PCDH11Y: variants seen among roughly 807,000 people sequenced by gnomAD.
PCDH11Y encodes protocadherin 11 Y-linked.
For missense variants in PCDH11Y, 12 were observed against 224.8 expected (o/e 0.05, Z 6.05); for synonymous variants, 9 against 83.6 (o/e 0.11, Z 4.87).
intron 1 of PCDH11Y, among the ~76,000 whole-genome samples, chrY:5,025,507 TA>T (rs2052577557): frequency 3.0e-5 from 1 of 33,619 alleles, no homozygotes; most frequent in Non-Finnish European, 7.4e-5. Context: ...CTGGCAACAG[TA>T]GTCTACAAAT....
chrY:5,149,987 G>T (rs2052862858), intron 2 of PCDH11Y, among the ~76,000 whole-genome samples: 1 of 32,611 alleles, frequency 3.1e-5, no homozygotes, highest in South Asian at 6.8e-4. Flanking sequence ...TTTGATGAGG[G>T]TGCTATTTTA....
intron 3 of PCDH11Y, among the ~76,000 whole-genome samples, chrY:5,551,441 G>A: frequency 1.5e-4 from 5 of 32,431 alleles, no homozygotes; most frequent in African/African-American, 2.4e-4. Flanking sequence ...AAACTCCCTC[G>A]GTGCTGTTGC....
chrY:5,635,521 A>G (rs2053517078), intron 4 of PCDH11Y, among the ~76,000 whole-genome samples: 1 of 34,007 alleles, frequency 2.9e-5, no homozygotes, highest in Non-Finnish European at 7.3e-5. Flanking sequence ...AAAATAAAAG[A>G]TTCTGTGAAA....
At chrY:5,616,854 C>A (rs2053494353) in intron 4 of PCDH11Y, among the ~76,000 whole-genome samples, 1 of 33,008 alleles carries the variant, frequency 3.0e-5, no homozygotes, top group Non-Finnish European at 7.5e-5. Flanking sequence ...TACCAGCATT[C>A]TACAATCAAA....
At chrY:5,732,730 T>G in intron 4 of PCDH11Y, among the ~76,000 whole-genome samples, 1 of 33,207 alleles carries the variant, frequency 3.0e-5, no homozygotes, top group African/African-American at 1.2e-4. Context: ...AATTGTTACC[T>G]CAAATATTGT....
At chrY:5,330,574 T>G in intron 2 of PCDH11Y, among the ~76,000 whole-genome samples, 16 of 34,374 alleles carry the variant, frequency 4.7e-4, no homozygotes, top group Non-Finnish European at 1.2e-3. Flanking sequence ...ATTTTCAGCT[T>G]TAAAATGATA....
chrY:5,385,755 C>G (rs2053213708), intron 2 of PCDH11Y, among the ~76,000 whole-genome samples: 1 of 33,617 alleles, frequency 3.0e-5, no homozygotes. Flanking sequence ...AATCCCTGAT[C>G]ATTAGTGCTG....
intron 2 of PCDH11Y, among the ~76,000 whole-genome samples, chrY:5,295,144 C>T: frequency 3.1e-5 from 1 of 32,627 alleles, no homozygotes; most frequent in African/African-American, 1.2e-4. Context: ...TTATTTGTTT[C>T]TTTTCTCTTG....
At chrY:5,324,992 G>A (rs1602904430) in intron 2 of PCDH11Y, among the ~76,000 whole-genome samples, 1 of 31,507 alleles carries the variant, frequency 3.2e-5, no homozygotes, top group East Asian at 8.5e-4. Flanking sequence ...TGGGGGTTGC[G>A]AGGTGCTCAG....
rs2053257453 is a variant in PCDH11Y, at chrY:5,421,047, A to AAC, written c.3130-80009_3130-80008insCA. On this transcript the variant is annotated intron_variant, in intron 2 of 4. Transcript: ENST00000400457. Reference sequence around the variant, plus strand: ...ATGGTGAAACCCCGTCTCTACTAAAAATACACACACACACACACACACACA... The same window carrying AAC: ...ATGGTGAAACCCCGTCTCTACTAAAAACATACACACACACACACACACACACA... Among the ~76,000 whole-genome samples, 18 of 17,495 alleles carry AAC rather than the reference A, an allele frequency of 1.0e-3. No homozygotes were observed. The East Asian group carries it at 0.052, about 50-fold the overall frequency. 46.9% of individuals were successfully genotyped at this position (17,495 alleles called of 37,273 possible). A position where few individuals can be genotyped will look rare whatever the true frequency, so the allele number is the denominator to read the frequency against.
At chrY:5,418,150 A>G in intron 2 of PCDH11Y, among the ~76,000 whole-genome samples, 1 of 31,787 alleles carries the variant, frequency 3.1e-5, no homozygotes, top group Non-Finnish European at 7.7e-5. Flanking sequence ...CTCTACAATC[A>G]TACCTCACAA....
At chrY:5,579,830 A>G (rs2053449242) in intron 3 of PCDH11Y, among the ~76,000 whole-genome samples, 1 of 31,076 alleles carries the variant, frequency 3.2e-5, no homozygotes. Flanking sequence ...ATTAAAAATT[A>G]CTCTGAGATT....
intron 4 of PCDH11Y, among the ~76,000 whole-genome samples, chrY:5,639,724 C>G: frequency 4.6e-5 from 1 of 21,908 alleles, no homozygotes; most frequent in Non-Finnish European, 9.9e-5. Flanking sequence ...CCATGTTGAC[C>G]AGGCTGGTAT....
At chrY:5,239,277 G>C (rs2052985172) in intron 2 of PCDH11Y, among the ~76,000 whole-genome samples, 1 of 33,494 alleles carries the variant, frequency 3.0e-5, no homozygotes, top group African/African-American at 1.2e-4. Flanking sequence ...CCTTTGTAGG[G>C]ACATGGTTGA....
chrY:5,093,268 G>A (rs1229991730), intron 1 of PCDH11Y, among the ~76,000 whole-genome samples: 4 of 33,014 alleles, frequency 1.2e-4, no homozygotes, highest in Non-Finnish European at 3.0e-4. Context: ...CAATCCTAAA[G>A]CTTATTTTTG....
chrY:5,563,734 C>T (rs2053431768), intron 3 of PCDH11Y, among the ~76,000 whole-genome samples: 2 of 30,695 alleles, frequency 6.5e-5, no homozygotes, highest in Non-Finnish European at 1.6e-4. Context: ...TTCCAGTAGA[C>T]GCTCTTTTAA....
chrY:5,055,916 A>G, upstream of PCDH11Y, among the ~76,000 whole-genome samples: 1 of 30,643 alleles, frequency 3.3e-5, no homozygotes, highest in Admixed American at 3.1e-4. Flanking sequence ...TTGAAGTTGT[A>G]TAATTCCTGT....
intron 2 of PCDH11Y, among the ~76,000 whole-genome samples, chrY:5,420,003 G>A (rs2053256296): frequency 3.1e-5 from 1 of 31,758 alleles, no homozygotes; most frequent in Non-Finnish European, 7.6e-5. Context: ...TCTACCTAGA[G>A]GAAGCTGGCA....
chrY:5,439,331 C>A (rs2053278209), intron 2 of PCDH11Y, among the ~76,000 whole-genome samples: 1 of 32,552 alleles, frequency 3.1e-5, no homozygotes, highest in Non-Finnish European at 7.5e-5. Flanking sequence ...TTGTACACTC[C>A]TAAACTTGGC....
Sources: gnomAD v4.1 joint callset for allele counts (sites outside exome capture counted in the v4.1 genomes callset) on GRCh38, gnomAD v4.1.1 for gene constraint, MANE v1.5 for transcripts, NCBI Gene and HGNC (gene_info 2026-07-23, HGNC 2026-07-21) for gene names.